Variants in FHIP2A observed in about 807,000 individuals in gnomAD.
FHIP2A encodes family with sequence similarity 160 member B1.
A neutral mutation model predicts 93.5 loss-of-function variants in FHIP2A; 46 were observed. The ratio of observed to expected loss-of-function variants is 0.49; its 90% CI spans 0.39 to 0.63. The LOEUF (loss-of-function observed/expected upper bound fraction) is 0.63. FHIP2A is among the 20% of genes least tolerant of loss of function. FHIP2A has a pLI of 0.00. For synonymous variants in FHIP2A, 332 were observed against 326.5 expected (o/e 1.02, Z -0.18); for missense variants, 769 against 909.7 (o/e 0.85, Z 1.99).
chr10:114,861,993 A>G lies in FHIP2A; in HGVS notation c.*453A>G. The G allele has an allele frequency of 2.0e-6, 2 of 977,668 alleles. No homozygotes were observed. The highest frequency in any genetic ancestry group is 2.4e-6 in the Non-Finnish European group (2 of 822,448). The allele number at this position is 977,668 out of a possible 1,614,324, so 60.6% of individuals were successfully genotyped here. On this transcript the variant is annotated 3_prime_UTR_variant, in exon 17 of 17. Coordinates refer to ENST00000369248, the MANE Select transcript of FHIP2A (RefSeq NM_020940.4). ...ACTAATTTTATAACTTTTTAAGGTC[A>G]GAATTCTTATCAAACAAAATATGAA...
At chr10:114,852,161 G>A (rs2083741028) in intron 13 of FHIP2A, among the ~76,000 whole-genome samples, 1 of 147,346 alleles carries the variant, frequency 6.8e-6, no homozygotes, top group Admixed American at 7.0e-5. Flanking sequence ...CTGCTTTTAG[G>A]TGTCAGGTGT....
intron 14 of FHIP2A, among the ~76,000 whole-genome samples, chr10:114,856,853 A>G (rs1354709221): frequency 6.6e-6 from 1 of 152,230 alleles, no homozygotes; most frequent in Admixed American, 6.5e-5. Context: ...AGAGATTTCT[A>G]GTATTATTTT....
chr10:114,835,990 T>C, intron 4 of FHIP2A, 134 bp from the exon 5 acceptor site: 1 of 580,130 alleles, frequency 1.7e-6, no homozygotes, highest in Non-Finnish European at 2.8e-6. Flanking sequence ...ATAAATATCA[T>C]TAGTGTTCTG....
At chr10:114,877,840 T>C (rs1458620023) in intron 16 of FHIP2A, among the ~76,000 whole-genome samples, 1 of 151,462 alleles carries the variant, frequency 6.6e-6, no homozygotes, top group Non-Finnish European at 1.5e-5. Flanking sequence ...ATAACACCCT[T>C]GGAGAGCTAG....
chr10:114,878,192 T>C (rs563190864), intron 16 of FHIP2A, among the ~76,000 whole-genome samples: 22 of 152,210 alleles, frequency 1.4e-4, no homozygotes, highest in Non-Finnish European at 2.5e-4. Flanking sequence ...ATGACCATTT[T>C]CTTAGGGCTT....
At chr10:114,839,071 G>A (rs2083652868) in intron 5 of FHIP2A, among the ~76,000 whole-genome samples, 2 of 152,088 alleles carry the variant, frequency 1.3e-5, no homozygotes. Flanking sequence ...ATAATGCATA[G>A]GAACTGCTCA....
At chr10:114,885,973 T>C (rs2083940892) in intron 16 of FHIP2A, among the ~76,000 whole-genome samples, 1 of 152,236 alleles carries the variant, frequency 6.6e-6, no homozygotes, top group Admixed American at 6.5e-5. Flanking sequence ...GACATGGACA[T>C]GGTTCCCTTA....
At chr10:114,840,785 G>T (rs1289788620) in intron 5 of FHIP2A, among the ~76,000 whole-genome samples, 1 of 152,156 alleles carries the variant, frequency 6.6e-6, no homozygotes, top group Non-Finnish European at 1.5e-5. Flanking sequence ...ATTTTGAGGG[G>T]AAGATGATAA....
rs144936662 is a variant in FHIP2A, at chr10:114,891,576, C to T, written c.2193-7914C>T. 7.1e-3 allele frequency among the ~76,000 whole-genome samples: 969 copies of T among 135,608 alleles called. 9 individuals are homozygous for T. Among genetic ancestry groups the T allele is most frequent in the African/African-American group, 0.028 (923 of 32,628 alleles). The allele number at this position is 135,608 out of a possible 152,430, so 89.0% of individuals were successfully genotyped here. A position where few individuals can be genotyped will look rare whatever the true frequency, so the allele number is the denominator to read the frequency against. Reference sequence around the variant, plus strand: ...GTGTGTGTGTGTGTGTGTGTGTGCACGCGTATGTATGTGTGTGTATATATG... The same window carrying T: ...GTGTGTGTGTGTGTGTGTGTGTGCATGCGTATGTATGTGTGTGTATATATG... On this transcript the variant is annotated intron_variant, in intron 16 of 16. Coordinates refer to the FHIP2A transcript ENST00000369250.
At chr10:114,893,403 GA>G (rs1001714279) in intron 16 of FHIP2A, among the ~76,000 whole-genome samples, 25 of 152,292 alleles carry the variant, frequency 1.6e-4, no homozygotes, top group African/African-American at 6.0e-4. Context: ...ACCAATCAGT[GA>G]TAGTCTCTTA....
chr10:114,864,826 A>G (rs1268465320), downstream of FHIP2A: 2 of 287,396 alleles, frequency 7.0e-6, no homozygotes, highest in Non-Finnish European at 1.0e-5. Context: ...ATGGCACCCT[A>G]CAATCAGTGG....
intron 5 of FHIP2A, 68 bp downstream of exon 5, chr10:114,836,314 G>A (rs2083636877): frequency 4.9e-6 from 6 of 1,222,078 alleles, no homozygotes; most frequent in African/African-American, 1.5e-5. Flanking sequence ...ATTGAATTAT[G>A]TGAATAATAT....
chr10:114,824,801 T>G (rs1443432277), intron 1 of FHIP2A, among the ~76,000 whole-genome samples: 1 of 152,230 alleles, frequency 6.6e-6, no homozygotes, highest in Non-Finnish European at 1.5e-5. Flanking sequence ...TTCCTGTTCA[T>G]GTGTACGTCC....
At chr10:114,867,424 A>G (rs969340624), downstream of FHIP2A, among the ~76,000 whole-genome samples, 3 of 152,214 alleles carry the variant, frequency 2.0e-5, no homozygotes, top group Non-Finnish European at 4.4e-5. Flanking sequence ...AGACTATTGT[A>G]TAGTGAGAAG....
chr10:114,836,850 T>A (rs1291519075), intron 5 of FHIP2A, among the ~76,000 whole-genome samples: 2 of 152,216 alleles, frequency 1.3e-5, no homozygotes, highest in Non-Finnish European at 2.9e-5. Context: ...TTTGGAATAT[T>A]TTAGAAAAAA....
At chr10:114,872,795 C>T (rs2083866088) in intron 16 of FHIP2A, among the ~76,000 whole-genome samples, 1 of 152,152 alleles carries the variant, frequency 6.6e-6, no homozygotes, top group Non-Finnish European at 1.5e-5. Context: ...CATAGCAATT[C>T]CCATTGAAAA....
At chr10:114,852,347 C>G (rs139641360) in intron 13 of FHIP2A, among the ~76,000 whole-genome samples, 2 of 152,312 alleles carry the variant, frequency 1.3e-5, no homozygotes, top group South Asian at 2.1e-4. Context: ...AGGTGTTCTT[C>G]TAAGACCTCA....
chr10:114,899,811 C>T lies in FHIP2A; in HGVS notation c.*297C>T, dbSNP rs1263505213. On this transcript the variant is annotated 3_prime_UTR_variant, in exon 17 of 17. Transcript: ENST00000369250. The stretch of plus-strand genomic sequence containing the variant: ...AAATACTGTTATCAATAAAACATCA[C>T]CTGATACTTTGGTTCATTAAAGATG... 4.3e-5 allele frequency: 16 copies of T among 372,948 alleles called. No individual in the cohort carries two copies. In the East Asian group the frequency reaches 6.3e-4, roughly 15 times the overall value. 23.1% of individuals were successfully genotyped at this position (372,948 alleles called of 1,614,324 possible).
Position 114,822,042 on chromosome 10 carries a change from G to A in FHIP2A, c.-37G>A. 7.9e-7 allele frequency: 1 copy of A among 1,259,410 alleles called. No individual in the cohort carries two copies. Among genetic ancestry groups the A allele is most frequent in the Non-Finnish European group, 1.0e-6 (1 of 979,928 alleles). 78.0% of individuals were successfully genotyped at this position (1,259,410 alleles called of 1,614,324 possible). ...GGCGGCGGATCGAGGAGCTCTCCAG[G>A]TCGTCCCGGGAGAGGCTGCTGCAGT... On this transcript the variant is annotated 5_prime_UTR_variant, in exon 1 of 17. Transcript: ENST00000369248.
Sources: gnomAD v4.1 joint callset for allele counts (sites outside exome capture counted in the v4.1 genomes callset) on GRCh38, gnomAD v4.1.1 for gene constraint, MANE v1.5 for transcripts, NCBI Gene and HGNC (gene_info 2026-07-23, HGNC 2026-07-21) for gene names.